GRID2: variants seen among roughly 807,000 people sequenced by gnomAD.
GRID2 encodes the protein glutamate ionotropic receptor delta type subunit 2, also known as glutamate receptor ionotropic, delta-2.
GRID2 carries 33 observed loss-of-function variants against 114.8 expected under a neutral mutation model. That is an observed-to-expected ratio of 0.29 (90% CI 0.22 to 0.38). The LOEUF (loss-of-function observed/expected upper bound fraction) is 0.38, where lower values mean the gene tolerates loss of function less well. GRID2 is among the 10% of genes least tolerant of loss of function. The probability of loss-of-function intolerance (pLI) is 1.00; values close to 1 mark genes in which losing one functional copy is unlikely to be tolerated. For synonymous variants in GRID2, 505 were observed against 449.9 expected, an observed-to-expected ratio of 1.12 and a Z score of -1.55; for missense variants, 1,184 against 1,257.7, an observed-to-expected ratio of 0.94 and a Z score of 0.89.
chr4:93,434,957 A>G (rs897203217), intron 10 of GRID2, among the ~76,000 whole-genome samples: 1 of 150,552 alleles, frequency 6.6e-6, no homozygotes, highest in African/African-American at 2.4e-5. Flanking sequence ...TTCTCTGTCC[A>G]CCTCATTTTT....
chr4:93,199,788 A>G (rs1207460124), intron 4 of GRID2, among the ~76,000 whole-genome samples: 2 of 152,174 alleles, frequency 1.3e-5, no homozygotes, highest in African/African-American at 4.8e-5. Flanking sequence ...TCTGCTGGAT[A>G]TTCTTGGGAT....
At chr4:92,993,018 T>G (rs1169090764) in intron 2 of GRID2, among the ~76,000 whole-genome samples, 2 of 152,088 alleles carry the variant, frequency 1.3e-5, no homozygotes, top group Admixed American at 1.3e-4. Flanking sequence ...TGCAGCATAT[T>G]AGATAAAATA....
chr4:92,846,749 G>C (rs1257225151), intron 2 of GRID2, among the ~76,000 whole-genome samples: 1 of 152,002 alleles, frequency 6.6e-6, no homozygotes, highest in Non-Finnish European at 1.5e-5. Context: ...TTGCACTCCA[G>C]TTTAAATATT....
intron 2 of GRID2, among the ~76,000 whole-genome samples, chr4:92,700,509 A>G (rs1734618742): frequency 6.6e-6 from 1 of 152,126 alleles, no homozygotes; most frequent in South Asian, 2.1e-4. Context: ...TTTAAAACCT[A>G]ATTCTCCTTT....
intron 4 of GRID2, among the ~76,000 whole-genome samples, chr4:93,191,638 C>A (rs927369673): frequency 6.6e-6 from 1 of 151,944 alleles, no homozygotes; most frequent in African/African-American, 2.4e-5. Context: ...TGGAATAATA[C>A]TGAAAATAGC....
intron 1 of GRID2, among the ~76,000 whole-genome samples, chr4:92,518,365 C>T (rs1724610153): frequency 6.6e-6 from 1 of 151,892 alleles, no homozygotes; most frequent in South Asian, 2.1e-4. Flanking sequence ...CAGATTTAAA[C>T]CTTACAAGGA....
intron 8 of GRID2, among the ~76,000 whole-genome samples, chr4:93,262,976 A>C (rs1298207341): frequency 6.6e-6 from 1 of 151,954 alleles, no homozygotes; most frequent in Non-Finnish European, 1.5e-5. Flanking sequence ...TCCTTGTTCC[A>C]CTTATCACTA....
chr4:92,580,288 A>T (rs957044042), intron 1 of GRID2, among the ~76,000 whole-genome samples: 4 of 151,414 alleles, frequency 2.6e-5, no homozygotes, highest in African/African-American at 9.7e-5. Context: ...GGATATCTGT[A>T]AAATCTTCAT....
At chr4:93,210,677 C>T (rs1245473407) in intron 5 of GRID2, among the ~76,000 whole-genome samples, 1 of 152,004 alleles carries the variant, frequency 6.6e-6, no homozygotes, top group Non-Finnish European at 1.5e-5. Context: ...ATAGCCTCTT[C>T]ATATTATATA....
At chr4:92,857,915 C>T (rs887856784) in intron 2 of GRID2, among the ~76,000 whole-genome samples, 3 of 152,124 alleles carry the variant, frequency 2.0e-5, no homozygotes, top group Admixed American at 1.3e-4. Context: ...GCTCATTTGC[C>T]ATTCTGAAAA....
intron 13 of GRID2, among the ~76,000 whole-genome samples, chr4:93,587,329 A>G (rs936181083): frequency 3.3e-5 from 5 of 152,126 alleles, no homozygotes; most frequent in African/African-American, 1.2e-4. Flanking sequence ...CAATAACAAA[A>G]TCTAGCAACG....
chr4:93,533,245 TCTTCCTTCCTTCCTTCCTTCCTTC>T (rs755045834), intron 13 of GRID2, among the ~76,000 whole-genome samples: 18,430 of 105,738 alleles, frequency 0.17, 2,022 homozygotes, highest in Non-Finnish European at 0.22. Flanking sequence ...TTTCTTTCTC[TCTTCCTTCCTTCCTTCCTTCCTTC>T]CTTCCTTCCT....
chr4:93,241,810 A>T (rs1747546281), intron 8 of GRID2, among the ~76,000 whole-genome samples: 1 of 151,812 alleles, frequency 6.6e-6, no homozygotes, highest in Non-Finnish European at 1.5e-5. Flanking sequence ...AGTAAAAAAA[A>T]AAAAAAAGTG....
Position 93,797,068 on chromosome 4 carries a change from G to T in GRID2, c.222-9647G>T, listed in dbSNP as rs977421551. Reference sequence around the variant, plus strand: ...CTCTAGGCTACAAACCCTACAGCATGTTACTGATTGAATGTTGACAAAATG... The same window carrying T: ...CTCTAGGCTACAAACCCTACAGCATTTTACTGATTGAATGTTGACAAAATG... On this transcript the variant is annotated intron_variant, in intron 1 of 1. Transcript: ENST00000637838. Among the ~76,000 whole-genome samples, 17 of 152,272 alleles carry T rather than the reference G, an allele frequency of 1.1e-4. No individual in the cohort carries two copies. In the East Asian group the frequency reaches 2.7e-3, roughly 24 times the overall value.
chr4:93,224,780 C>T lies in GRID2; in HGVS notation c.1125+5C>T, dbSNP rs1444093004. ...ATGTTGGAGACCATCAAGAAGGTAA[C>T]TTCTTAATTTTCATGTAAAAAGGAT... On this transcript the variant is annotated splice_donor_5th_base_variant and intron_variant, in intron 7 of 15. Coordinates refer to ENST00000282020, the MANE Select transcript of GRID2 (RefSeq NM_001510.4). 1.3e-6 allele frequency: 2 copies of T among 1,595,730 alleles called. No individual in the cohort carries two copies. The highest frequency in any genetic ancestry group is 1.7e-6 in the Non-Finnish European group (2 of 1,168,256).
chr4:93,250,561 A>C (rs978294066), intron 8 of GRID2, among the ~76,000 whole-genome samples: 2 of 149,666 alleles, frequency 1.3e-5, no homozygotes, highest in Non-Finnish European at 1.5e-5. Flanking sequence ...GACAAAAAAA[A>C]AGTGGTATAT....
At chr4:92,819,124 G>T (rs1741102900) in intron 2 of GRID2, among the ~76,000 whole-genome samples, 1 of 152,070 alleles carries the variant, frequency 6.6e-6, no homozygotes, top group Non-Finnish European at 1.5e-5. Context: ...GCATGAGCAT[G>T]AGCAAATGTT....
rs113240472 is a variant in GRID2 at position 92,555,138 on chromosome 4, T to C, written c.89-34993T>C. Among the ~76,000 whole-genome samples the C allele has an allele frequency of 2.2e-4, 33 of 152,228 alleles. 1 individual carries two copies. The highest frequency in any genetic ancestry group is 7.0e-4 in the African/African-American group (29 of 41,564). ...ATAAAATATTAAATAAAAGAGGTTC[T>C]TGAATGCCAAGTCGAGGAGTGTGAA... On this transcript the variant is annotated intron_variant, in intron 1 of 15. Coordinates refer to ENST00000282020, the MANE Select transcript of GRID2 (RefSeq NM_001510.4).
chr4:92,504,272 G>A (rs1723837944), intron 1 of GRID2, among the ~76,000 whole-genome samples: 1 of 152,052 alleles, frequency 6.6e-6, no homozygotes, highest in Admixed American at 6.6e-5. Flanking sequence ...CACATGAGAT[G>A]AGATTCTAAG....
Sources: gnomAD v4.1 joint callset for allele counts (sites outside exome capture counted in the v4.1 genomes callset) on GRCh38, gnomAD v4.1.1 for gene constraint, MANE v1.5 for transcripts, NCBI Gene and HGNC (gene_info 2026-07-23, HGNC 2026-07-21) for gene names.